The following VIRMA variants were observed in gnomAD, a reference collection of about 807,000 sequenced individuals.
VIRMA encodes the protein vir like m6A methyltransferase associated.
In VIRMA, 65 loss-of-function variants were observed where a neutral mutation model predicts 182.4. The observed-to-expected ratio is 0.36, with a 90% confidence interval of 0.29 to 0.44. The LOEUF is 0.44. Ranked by LOEUF, VIRMA falls within the 20% of genes least tolerant of loss-of-function variation. The pLI is 1.00. For missense variants in VIRMA, 1,752 were observed against 2,158.1 expected (o/e 0.81, Z 3.73); for synonymous variants, 709 against 743.1 (o/e 0.95, Z 0.75).
intron 15 of VIRMA, among the ~76,000 whole-genome samples, chr8:94,507,117 T>C (rs1174831211): frequency 4.0e-5 from 6 of 148,858 alleles, no homozygotes; most frequent in Non-Finnish European, 8.9e-5. Flanking sequence ...AAAGAAACTT[T>C]TCAGAGAAAT....
intron 16 of VIRMA, among the ~76,000 whole-genome samples, chr8:94,503,189 A>G (rs1586071033): frequency 6.6e-6 from 1 of 152,188 alleles, no homozygotes; most frequent in African/African-American, 2.4e-5. Flanking sequence ...GGTGGATGAA[A>G]GTTTTTGGCA....
Position 94,517,797 on chromosome 8 carries a change from T to G in VIRMA, c.2659A>C (p.Lys887Gln), listed in dbSNP as rs770498871. ...ACTTTAAGTACCATACCTTGCAATT[T>G]AGCATTATTTTCATCTGCTTTACAA... ...KLCKADENNA[K>Q]LQELGKWLEP... The change falls in exon 10 of 24, where the codon AAA becomes CAA. Residue 887 changes from lysine (K) to glutamine (Q), a missense_variant. Lys to Gln is a moderately conservative substitution (Grantham distance 53). Coordinates refer to ENST00000297591, the MANE Select transcript of VIRMA (RefSeq NM_015496.5). 6.2e-7 allele frequency: 1 copy of G among 1,601,360 alleles called. No individual in the cohort carries two copies. Among genetic ancestry groups the G allele is most frequent in the Non-Finnish European group, 8.5e-7 (1 of 1,172,410 alleles).
rs970890926 is a variant in VIRMA, at chr8:94,548,343, T to C, written c.64-4401A>G. The stretch of plus-strand genomic sequence containing the variant: ...GAAACCACAAAACAGTATTACAGTA[T>C]TGTAATATTAACGTGGGCAACGGGT... On this transcript the variant is annotated intron_variant, in intron 1 of 23. Transcript: ENST00000297591. 2.0e-5 allele frequency among the ~76,000 whole-genome samples: 3 copies of C among 151,250 alleles called. No homozygotes were observed. In the East Asian group the frequency reaches 5.8e-4, roughly 29 times the overall value.
chr8:94,510,688 T>C (rs1814336410), intron 13 of VIRMA, 36 bp from the exon 14 acceptor site: 1 of 1,451,526 alleles, frequency 6.9e-7, no homozygotes, highest in African/African-American at 1.4e-5. Flanking sequence ...TACGTAGATT[T>C]TTTAATATTT....
chr8:94,499,695 A>T (rs1054320614), intron 16 of VIRMA, among the ~76,000 whole-genome samples, 189 bp from the exon 17 acceptor site: 6 of 152,134 alleles, frequency 3.9e-5, no homozygotes, highest in Non-Finnish European at 7.4e-5. Context: ...AACTCCTTTT[A>T]AAGCTAAGCT....
rs7842700 is a variant in VIRMA, at chr8:94,523,091, T to C, written c.2021+3132A>G. 6.5e-3 allele frequency among the ~76,000 whole-genome samples: 989 copies of C among 152,308 alleles called. 19 individuals are homozygous for C. Among genetic ancestry groups the C allele is most frequent in the African/African-American group, 0.023 (942 of 41,554 alleles). ...AAAATAAAGTTGTTAGTAAGAAGTA[T>C]TTAAATTTCTTTACAATCTCCAAGA... On this transcript the variant is annotated intron_variant, in intron 8 of 23. Transcript: ENST00000297591.
chr8:94,538,155 G>T (rs1311929333), intron 3 of VIRMA, 105 bp downstream of exon 3: 2 of 773,708 alleles, frequency 2.6e-6, no homozygotes, highest in Non-Finnish European at 4.6e-6. Context: ...CTGTGTTCTT[G>T]GGTCTACCAG....
Position 94,510,578 on chromosome 8 carries a change from T to C in VIRMA, c.3465A>G (p.Ala1155=), listed in dbSNP as rs1325805680. 6.2e-7 allele frequency: 1 copy of C among 1,614,178 alleles called. No homozygotes were observed. Among genetic ancestry groups the C allele is most frequent in the South Asian group, 1.1e-5 (1 of 91,086 alleles). The change falls in exon 14 of 24, where the codon GCA becomes GCG. Residue 1155 remains alanine (A), a synonymous_variant. Coordinates refer to ENST00000297591, the MANE Select transcript of VIRMA (RefSeq NM_015496.5). ...AGCGAACTATTTCTTGGAGCAACTTTGCTTGAACATGAAGGTGCATGCTCC... is the reference window on the plus strand; with the variant it reads ...AGCGAACTATTTCTTGGAGCAACTTCGCTTGAACATGAAGGTGCATGCTCC... ...KLWSMHLHVQ[A]KLLQEIVRSF...
intron 16 of VIRMA, among the ~76,000 whole-genome samples, chr8:94,502,835 C>T (rs1814040051): frequency 6.6e-6 from 1 of 151,842 alleles, no homozygotes; most frequent in South Asian, 2.1e-4. Flanking sequence ...TATCCCAGAA[C>T]TTAAAGTAAA....
At chr8:94,534,730 T>A in intron 5 of VIRMA, 109 bp downstream of exon 5, 1 of 1,244,866 alleles carries the variant, frequency 8.0e-7, no homozygotes, top group Non-Finnish European at 1.1e-6. Flanking sequence ...TCTCTCCCTC[T>A]CAAGAAATAA....
rs891785643 is a variant in VIRMA, at chr8:94,526,819, T to C, written c.1425A>G (p.Thr475=). The change falls in exon 8 of 24, where the codon ACA becomes ACG. Residue 475 remains threonine, a synonymous_variant. Transcript: ENST00000297591. ...SLAECGAQGV[T]GLLQAGVISG... ...TGATCACTCCTGCTTGTAGCAGTCC[T>C]GTAACTCCTTGAGCCCCACATTCTG... 3 of 1,614,190 alleles carry C rather than the reference T, an allele frequency of 1.9e-6. No homozygotes were observed. The highest frequency in any genetic ancestry group is 2.5e-6 in the Non-Finnish European group (3 of 1,180,024).
chr8:94,527,063 T>A lies in VIRMA; in HGVS notation c.1181A>T (p.Glu394Val). ...KLTELLDLYR[E>V]DRGAKWVTAL... ...TGTTACCCATTTTGCACCTCTATCT[T>A]CTCTATACAAATCTAAGAGTTCTGT... Residue 394 changes from glutamate to valine, a missense_variant, in exon 8 of 24, where the codon GAA (glutamate) becomes GTA (valine). By Grantham distance (121) the Glu-to-Val change is moderately radical. Around this residue, in one of 11 missense-constraint regions of VIRMA, gnomAD observed 401 missense variants for 455.1 expected, o/e 0.88. Coordinates refer to ENST00000297591, the MANE Select transcript of VIRMA (RefSeq NM_015496.5). 6.2e-7 allele frequency: 1 copy of A among 1,614,212 alleles called. No homozygotes were observed. The highest frequency in any genetic ancestry group is 1.1e-5 in the South Asian group (1 of 91,084).
At chr8:94,495,685 T>C in intron 19 of VIRMA, 46 bp downstream of exon 19, 1 of 1,562,916 alleles carries the variant, frequency 6.4e-7, no homozygotes, top group Non-Finnish European at 8.7e-7. Flanking sequence ...ACTACAGCCA[T>C]TTTAAAACCA....
intron 6 of VIRMA, among the ~76,000 whole-genome samples, chr8:94,530,438 A>C (rs1815128453): frequency 6.6e-6 from 1 of 151,224 alleles, no homozygotes; most frequent in African/African-American, 2.4e-5. Flanking sequence ...TCAAGGCTGC[A>C]CTGAGCTGAG....
chr8:94,505,390 CA>C (rs60707989), intron 16 of VIRMA, among the ~76,000 whole-genome samples: 36,250 of 151,968 alleles, frequency 0.24, 5,322 homozygotes, highest in East Asian at 0.5. Context: ...CTTCTCCCAG[CA>C]AATAAAAACA....
At chr8:94,509,363 T>G (rs28524089) in intron 15 of VIRMA, among the ~76,000 whole-genome samples, 1 of 150,924 alleles carries the variant, frequency 6.6e-6, no homozygotes, top group African/African-American at 2.4e-5. Context: ...GATCACGCCA[T>G]TGCACTCCAG....
chr8:94,508,035 G>A (rs551398139), intron 15 of VIRMA, among the ~76,000 whole-genome samples: 10 of 151,430 alleles, frequency 6.6e-5, no homozygotes, highest in Non-Finnish European at 1.5e-4. Context: ...GTTTTCCAAT[G>A]CTAAGCAAGT....
chr8:94,541,607 T>A (rs1586110733), intron 2 of VIRMA, among the ~76,000 whole-genome samples: 1 of 152,004 alleles, frequency 6.6e-6, no homozygotes, highest in African/African-American at 2.4e-5. Context: ...AGTGGTGCGA[T>A]CTCAGATCAC....
chr8:94,540,951 A>G (rs1488017173), intron 2 of VIRMA, among the ~76,000 whole-genome samples: 1 of 152,110 alleles, frequency 6.6e-6, no homozygotes, highest in Non-Finnish European at 1.5e-5. Context: ...GGTGACTCTA[A>G]AAAACCTAAC....
Sources: gnomAD v4.1 joint callset for allele counts (sites outside exome capture counted in the v4.1 genomes callset) on GRCh38, gnomAD v4.1.1 for gene constraint, gnomAD v4.1.1 regional missense constraint, MANE v1.5 for transcripts, NCBI Gene and HGNC (gene_info 2026-07-23, HGNC 2026-07-21) for gene names.